Variants in SLC37A1 observed in about 807,000 individuals in gnomAD.
The protein encoded by SLC37A1 is solute carrier family 37 member 1.
Under a neutral mutation model 75.3 loss-of-function variants are expected in SLC37A1, and 49 were observed. The observed-to-expected ratio is 0.65, with a 90% confidence interval of 0.52 to 0.83. The LOEUF (loss-of-function observed/expected upper bound fraction) is 0.83, where lower values mean the gene tolerates loss of function less well. Among genes scored for constraint, SLC37A1 ranks in the 40% least tolerant of loss-of-function variants. The pLI is 0.00. For synonymous variants in SLC37A1, 268 were observed against 292.1 expected (o/e 0.92, Z 0.84); for missense variants, 566 against 695.0 (o/e 0.81, Z 2.09).
intron 2 of SLC37A1, among the ~76,000 whole-genome samples, chr21:42,522,601 A>T (rs947684470): frequency 2.6e-5 from 4 of 152,216 alleles, no homozygotes; most frequent in African/African-American, 4.8e-5. Flanking sequence ...AAGATGAAGA[A>T]ATGAGAGAGG....
At position 42,545,501 on chromosome 21, in the gene SLC37A1, G is replaced by A. The variant is rs1201281530; in HGVS notation, c.731-1602G>A. On this transcript the variant is annotated intron_variant, in intron 8 of 19. Transcript: ENST00000352133. The surrounding 1 kb of genome is among the most constrained non-coding windows in gnomAD (Gnocchi z 4.0). ...GTCAACAGAGGATGTGGCTTTCTCT[G>A]CTGCTCCTTCACTCTTGTCTCCTGC... Among the ~76,000 whole-genome samples the A allele has an allele frequency of 6.6e-6, 1 of 152,092 alleles. No individual in the cohort carries two copies. Among genetic ancestry groups the A allele is most frequent in the East Asian group, 1.9e-4 (1 of 5,184 alleles).
rs1486857588 is a variant in SLC37A1 at position 42,575,930 on chromosome 21, TA to T, written c.1521+1019del. Reference sequence around the variant, plus strand: ...CAGATGGATTTCCACTAAGTAGCAGTAAAATTCCTGTCATTACAACTGTTCA... The same window carrying T: ...CAGATGGATTTCCACTAAGTAGCAGTAAATTCCTGTCATTACAACTGTTCA... On this transcript the variant is annotated intron_variant, in intron 18 of 19. Coordinates refer to ENST00000352133, the MANE Select transcript of SLC37A1 (RefSeq NM_001320537.2). The T allele has an allele frequency of 5.1e-6, 5 of 985,194 alleles. No homozygotes were observed. The African/African-American group carries it at 8.7e-5, about 17-fold the overall frequency. 61.0% of individuals were successfully genotyped at this position (985,194 alleles called of 1,614,324 possible).
intron 18 of SLC37A1, chr21:42,576,105 G>A (rs557375554): frequency 9.2e-6 from 3 of 326,652 alleles, no homozygotes; most frequent in Non-Finnish European, 1.3e-5. Context: ...GGAATCAACG[G>A]GTTGGGGTGG....
intron 3 of SLC37A1, among the ~76,000 whole-genome samples, chr21:42,527,557 T>G (rs1308401020): frequency 6.6e-6 from 1 of 152,006 alleles, no homozygotes; most frequent in African/African-American, 2.4e-5. Context: ...CCACATACAT[T>G]ACCCCTGTGA....
chr21:42,565,788 G>A, intron 14 of SLC37A1, 39 bp from the exon 15 acceptor site: 1 of 1,596,088 alleles, frequency 6.3e-7, no homozygotes, highest in Non-Finnish European at 8.6e-7. Flanking sequence ...ACTGCTTGCA[G>A]CCAGCCATGG....
At chr21:42,563,251 C>A (rs1259960746) in intron 12 of SLC37A1, among the ~76,000 whole-genome samples, 10 of 152,250 alleles carry the variant, frequency 6.6e-5, no homozygotes, top group African/African-American at 2.4e-4. Flanking sequence ...GAGTCTTGAA[C>A]TGCTGACATT....
intron 2 of SLC37A1, among the ~76,000 whole-genome samples, chr21:42,520,738 C>T (rs2054629588): frequency 6.6e-6 from 1 of 152,130 alleles, no homozygotes; most frequent in Non-Finnish European, 1.5e-5. Context: ...GGTCCGGGAT[C>T]TTGGTTTCTG....
chr21:42,549,459 C>T (rs1158709075), intron 9 of SLC37A1, among the ~76,000 whole-genome samples: 1 of 152,234 alleles, frequency 6.6e-6, no homozygotes, highest in East Asian at 1.9e-4. Flanking sequence ...GTGTCCCCGA[C>T]GTGCCCTGAG....
At chr21:42,521,608 A>G (rs753852257) in intron 2 of SLC37A1, among the ~76,000 whole-genome samples, 42 of 152,234 alleles carry the variant, frequency 2.8e-4, no homozygotes, top group Middle Eastern at 3.2e-3. Context: ...AACATCTCTG[A>G]GGAGGCCCAG....
chr21:42,570,183 T>C (rs111273936), intron 17 of SLC37A1, among the ~76,000 whole-genome samples: 5,596 of 50,554 alleles, frequency 0.11, 1,867 homozygotes, highest in Admixed American at 0.19. Flanking sequence ...CATTGCCATG[T>C]GACACATGGC....
chr21:42,525,373 G>A (rs1341027705), intron 2 of SLC37A1, among the ~76,000 whole-genome samples: 2 of 152,224 alleles, frequency 1.3e-5, no homozygotes, highest in African/African-American at 2.4e-5. Flanking sequence ...AGCCTCGGCC[G>A]GAGCCCCGCC....
rs3788034 is a variant in SLC37A1 at position 42,575,218 on chromosome 21, G to A, written c.1521+303G>A. ...CATGTGTGTGACTTGGGCAGGTTTC[G>A]TAACCTCTGCTCCACAGTTTCCACA... is the stretch of plus-strand genomic sequence containing the variant. On this transcript the variant is annotated intron_variant, in intron 18 of 19. Transcript: ENST00000352133. 1.9e-4 allele frequency: 185 copies of A among 983,850 alleles called. No individual in the cohort carries two copies. In the East Asian group the frequency reaches 0.015, roughly 82 times the overall value. The allele number at this position is 983,850 out of a possible 1,614,324, so 60.9% of individuals were successfully genotyped here.
chr21:42,563,869 G>C lies in SLC37A1; in HGVS notation c.1127G>C (p.Gly376Ala). ...CTCTCCACCCTGTTTGACGTGGGCG[G>C]AATCTTTGGTGAGTTCATTAAGACT... is the stretch of plus-strand genomic sequence containing the variant. Reference protein sequence around the residue: ...GELSTLFDVGGIFGGILAGVI... With the variant: ...GELSTLFDVGAIFGGILAGVI... Residue 376 changes from glycine to alanine, a missense_variant, in exon 13 of 20, where the codon GGA becomes GCA. Gly to Ala is a moderately conservative substitution (Grantham distance 60). Coordinates refer to ENST00000352133, the MANE Select transcript of SLC37A1 (RefSeq NM_001320537.2). 1 of 1,614,170 alleles carries C rather than the reference G, an allele frequency of 6.2e-7. No individual in the cohort carries two copies. Among genetic ancestry groups the C allele is most frequent in the Non-Finnish European group, 8.5e-7 (1 of 1,180,028 alleles).
chr21:42,554,057 A>T lies in SLC37A1; in HGVS notation c.769-5A>T. 6.3e-7 allele frequency: 1 copy of T among 1,592,560 alleles called. No individual in the cohort carries two copies. On this transcript the variant is annotated splice_polypyrimidine_tract_variant and splice_region_variant and intron_variant, in intron 9 of 19. Coordinates refer to ENST00000352133, the MANE Select transcript of SLC37A1 (RefSeq NM_001320537.2). The stretch of plus-strand genomic sequence containing the variant: ...TCGCTCTAATGAAACTTTTTTTTTT[A>T]CCAGCACTCAAAAGGCTATGAGAAT...
intron 3 of SLC37A1, among the ~76,000 whole-genome samples, chr21:42,531,504 T>C (rs943460686): frequency 2.0e-5 from 3 of 152,252 alleles, no homozygotes; most frequent in African/African-American, 7.2e-5. Flanking sequence ...AGGTTGATTT[T>C]GTATGTAACT....
intron 10 of SLC37A1, among the ~76,000 whole-genome samples, chr21:42,555,993 G>T (rs2138328): frequency 0.15 from 22,265 of 152,190 alleles, 2,063 homozygotes; most frequent in Non-Finnish European, 0.21. Flanking sequence ...CAGAGTGACC[G>T]CTGGGCTCAG....
At chr21:42,543,296 G>A (rs1601715929) in intron 7 of SLC37A1, 140 bp from the exon 8 acceptor site, 1 of 952,032 alleles carries the variant, frequency 1.1e-6, no homozygotes, top group Admixed American at 2.0e-5. Context: ...AGTCCTGCAT[G>A]GCACAGAAGC....
chr21:42,504,625 C>A (rs1233907787), intron 2 of SLC37A1, among the ~76,000 whole-genome samples: 1 of 152,162 alleles, frequency 6.6e-6, no homozygotes, highest in Non-Finnish European at 1.5e-5. Flanking sequence ...CATGACCCTG[C>A]AAGACAGGCG....
chr21:42,559,464 C>T (rs1272767111), intron 11 of SLC37A1, among the ~76,000 whole-genome samples: 2 of 152,260 alleles, frequency 1.3e-5, no homozygotes, highest in African/African-American at 4.8e-5. Context: ...CCCTGTGGCC[C>T]GGCCCCTCCC....
Sources: gnomAD v4.1 joint callset for allele counts (sites outside exome capture counted in the v4.1 genomes callset) on GRCh38, gnomAD v4.1.1 for gene constraint, Gnocchi (gnomAD v3.1) non-coding constraint, MANE v1.5 for transcripts, NCBI Gene and HGNC (gene_info 2026-07-23, HGNC 2026-07-21) for gene names.